The following CEP112 variants were observed in gnomAD, a reference collection of about 807,000 sequenced individuals.
CEP112 encodes centrosomal protein 112.
CEP112 carries 127 observed loss-of-function variants against 153.0 expected under a neutral mutation model. The observed-to-expected ratio is 0.83, with a 90% confidence interval of 0.72 to 0.96. The LOEUF is 0.96. Ranked by LOEUF, CEP112 falls within the 40% of genes least tolerant of loss-of-function variation. The pLI, the probability that CEP112 is intolerant of heterozygous loss-of-function variation, is 0.00. For synonymous variants in CEP112, 358 were observed against 374.4 expected, an observed-to-expected ratio of 0.96 and a Z score of 0.51; for missense variants, 1,089 against 1,101.2, an observed-to-expected ratio of 0.99 and a Z score of 0.16.
chr17:65,770,256 G>C (rs890242878), intron 21 of CEP112, among the ~76,000 whole-genome samples: 5 of 151,944 alleles, frequency 3.3e-5, no homozygotes, highest in African/African-American at 1.2e-4. Flanking sequence ...TAAGAAGCCA[G>C]AGAAAACAGA....
chr17:65,657,024 C>T (rs185531946), intron 24 of CEP112, among the ~76,000 whole-genome samples: 31 of 152,292 alleles, frequency 2.0e-4, no homozygotes, highest in Non-Finnish European at 3.2e-4. Flanking sequence ...GGCTTCAAAG[C>T]TGAGAAAGTC....
At chr17:65,752,671 C>T (rs1169733259) in intron 21 of CEP112, among the ~76,000 whole-genome samples, 1 of 152,168 alleles carries the variant, frequency 6.6e-6, no homozygotes, top group Non-Finnish European at 1.5e-5. Context: ...ACCCCATACC[C>T]AGTCTCTCCA....
At chr17:66,036,001 T>C (rs769845895) in intron 12 of CEP112, among the ~76,000 whole-genome samples, 21 of 152,200 alleles carry the variant, frequency 1.4e-4, no homozygotes, top group Non-Finnish European at 2.5e-4. Context: ...AAAGAAAATG[T>C]GGTATATACA....
chr17:65,711,236 C>G (rs1037437120), intron 23 of CEP112, among the ~76,000 whole-genome samples: 1 of 152,184 alleles, frequency 6.6e-6, no homozygotes, highest in African/African-American at 2.4e-5. Context: ...GTGAAACCTT[C>G]AAATGCATGG....
chr17:65,767,104 A>G (rs1399671908), intron 21 of CEP112, among the ~76,000 whole-genome samples: 1 of 152,190 alleles, frequency 6.6e-6, no homozygotes, highest in Non-Finnish European at 1.5e-5. Context: ...TTTAGTGCAC[A>G]TGGAACATTC....
At chr17:65,719,884 G>A (rs1286913440) in intron 23 of CEP112, among the ~76,000 whole-genome samples, 1 of 152,214 alleles carries the variant, frequency 6.6e-6, no homozygotes, top group African/African-American at 2.4e-5. Context: ...GGGCCGTGGG[G>A]ACCCAGTGAA....
intron 20 of CEP112, among the ~76,000 whole-genome samples, chr17:65,863,016 A>C (rs1249229234): frequency 6.6e-6 from 1 of 152,134 alleles, no homozygotes; most frequent in Non-Finnish European, 1.5e-5. Flanking sequence ...ACATATTAGT[A>C]GTTCTAGTAG....
At chr17:65,655,625 T>C (rs538003306) in intron 24 of CEP112, among the ~76,000 whole-genome samples, 1 of 152,362 alleles carries the variant, frequency 6.6e-6, no homozygotes, top group South Asian at 2.1e-4. Flanking sequence ...AATTTACAGA[T>C]TTAGCTTTTC....
intron 16 of CEP112, among the ~76,000 whole-genome samples, chr17:66,022,703 C>T (rs11650691): frequency 0.46 from 56,519 of 124,212 alleles, 13,264 homozygotes; most frequent in East Asian, 0.87. Flanking sequence ...AACGAGACTC[C>T]GCCTCAAGAA....
chr17:65,875,379 C>T (rs6504368), intron 20 of CEP112, among the ~76,000 whole-genome samples: 151,670 of 152,222 alleles, frequency 1, 75,563 homozygotes, highest in Middle Eastern at 1. Flanking sequence ...CTTAATAAAA[C>T]CATTACATTA....
At chr17:66,139,386 T>G (rs1233621427) in intron 4 of CEP112, among the ~76,000 whole-genome samples, 1 of 152,162 alleles carries the variant, frequency 6.6e-6, no homozygotes, top group Non-Finnish European at 1.5e-5. Flanking sequence ...GGAGGACTGC[T>G]GGAGCCCAGG....
intron 23 of CEP112, among the ~76,000 whole-genome samples, chr17:65,730,849 C>T (rs1292767694): frequency 6.8e-6 from 1 of 146,594 alleles, no homozygotes; most frequent in Non-Finnish European, 1.5e-5. Context: ...GTCTTGTGAA[C>T]TCCAGTCAGT....
At chr17:65,692,321 C>T (rs749410490) in intron 23 of CEP112, among the ~76,000 whole-genome samples, 3 of 151,346 alleles carry the variant, frequency 2.0e-5, no homozygotes, top group African/African-American at 4.9e-5. Flanking sequence ...CTCCACCTCC[C>T]GGGTTCAAGC....
At chr17:65,922,303 T>C (rs907724766) in intron 19 of CEP112, among the ~76,000 whole-genome samples, 2 of 152,134 alleles carry the variant, frequency 1.3e-5, no homozygotes, top group Non-Finnish European at 2.9e-5. Context: ...AATTACTATA[T>C]TTAATCTGCT....
chr17:65,921,141 C>G (rs1309234027), intron 19 of CEP112, among the ~76,000 whole-genome samples: 1 of 152,084 alleles, frequency 6.6e-6, no homozygotes, highest in South Asian at 2.1e-4. Context: ...ATAAAGGTAC[C>G]AATATTCAAA....
At position 66,175,223 on chromosome 17, in the gene CEP112, T is replaced by C. The variant is rs1211965332; in HGVS notation, c.298-7A>G. 2 of 1,521,286 alleles carry C rather than the reference T, an allele frequency of 1.3e-6. No homozygotes were observed. The highest frequency in any genetic ancestry group is 1.8e-6 in the Non-Finnish European group (2 of 1,137,066). The allele number at this position is 1,521,286 out of a possible 1,614,324, so 94.2% of individuals were successfully genotyped here. A position where few individuals can be genotyped will look rare whatever the true frequency, so the allele number is the denominator to read the frequency against. On this transcript the variant is annotated splice_polypyrimidine_tract_variant and splice_region_variant and intron_variant, in intron 3 of 26. Coordinates refer to ENST00000535342, the MANE Select transcript of CEP112 (RefSeq NM_001199165.4). ...GTTCATCAAAATAGATGGACTGATT[T>C]TTTAAAATTAGAAAAATTATTCTTT...
At chr17:66,158,711 G>A (rs1033273880) in intron 4 of CEP112, among the ~76,000 whole-genome samples, 2 of 152,174 alleles carry the variant, frequency 1.3e-5, no homozygotes, top group African/African-American at 4.8e-5. Flanking sequence ...AGCGTTTAGA[G>A]GGAAATTTAT....
chr17:66,117,817 G>A (rs1396417207), intron 6 of CEP112, among the ~76,000 whole-genome samples: 1 of 152,018 alleles, frequency 6.6e-6, no homozygotes, highest in African/African-American at 2.4e-5. Context: ...CAACTTAATA[G>A]GGGGAAAATC....
intron 24 of CEP112, among the ~76,000 whole-genome samples, chr17:65,670,848 G>C (rs1280418070): frequency 8.1e-6 from 1 of 123,026 alleles, no homozygotes; most frequent in East Asian, 2.9e-4. Flanking sequence ...TGTATTTACT[G>C]ATCATGCAGT....
Sources: gnomAD v4.1 joint callset for allele counts (sites outside exome capture counted in the v4.1 genomes callset) on GRCh38, gnomAD v4.1.1 for gene constraint, MANE v1.5 for transcripts, NCBI Gene and HGNC (gene_info 2026-07-23, HGNC 2026-07-21) for gene names.